Variants in CMC1 observed in about 807,000 individuals in gnomAD.
The protein encoded by CMC1 is C-X9-C motif containing 1.
A neutral mutation model predicts 14.1 loss-of-function variants in CMC1; 14 were observed. The observed-to-expected ratio is 0.99, with a 90% CI of 0.66 to 1.55. CMC1 has a LOEUF of 1.55. CMC1 is among the 40% of genes most tolerant of loss of function. The pLI, the probability that CMC1 is intolerant of heterozygous loss-of-function variation, is 0.00. For synonymous variants in CMC1, 50 were observed against 38.4 expected, an observed-to-expected ratio of 1.30 and a Z score of -1.12; for missense variants, 127 against 123.8, an observed-to-expected ratio of 1.03 and a Z score of -0.12.
At chr3:28,310,425 A>G (rs1197690779) in intron 2 of CMC1, among the ~76,000 whole-genome samples, 1 of 152,248 alleles carries the variant, frequency 6.6e-6, no homozygotes, top group Non-Finnish European at 1.5e-5. Flanking sequence ...ATGAGAAAAT[A>G]CTTAAATATT....
chr3:28,247,653 T>G (rs921074380), intron 1 of CMC1, among the ~76,000 whole-genome samples: 1 of 152,224 alleles, frequency 6.6e-6, no homozygotes, highest in African/African-American at 2.4e-5. Context: ...TATCTGAATC[T>G]GTTAGGAATC....
chr3:28,284,790 C>G (rs545470864), intron 2 of CMC1, among the ~76,000 whole-genome samples: 5 of 151,736 alleles, frequency 3.3e-5, no homozygotes, highest in Non-Finnish European at 7.4e-5. Flanking sequence ...TTACTTCCAT[C>G]TTGGAGGTTA....
Position 28,325,114 on chromosome 3 carries a change from T to C in CMC1, c.*5485T>C, listed in dbSNP as rs1394162506. 6.6e-5 allele frequency: 9 copies of C among 135,902 alleles called. No homozygotes were observed. Among genetic ancestry groups the C allele is most frequent in the Non-Finnish European group, 1.2e-4 (8 of 64,056 alleles). 8.4% of individuals were successfully genotyped at this position (135,902 alleles called of 1,614,324 possible). ...AATGTTAATGCTACTGTGGTCACAA[T>C]GTAGGTAAAGTAAAAAAAAAAAAAA... On this transcript the variant is annotated 3_prime_UTR_variant, in exon 4 of 4. Transcript: ENST00000466830.
At chr3:28,287,995 G>T (rs1017386954) in intron 2 of CMC1, among the ~76,000 whole-genome samples, 11 of 151,666 alleles carry the variant, frequency 7.3e-5, no homozygotes, top group Non-Finnish European at 1.3e-4. Context: ...ATTGAGTCTC[G>T]TAGTGGTACT....
chr3:28,299,161 A>T (rs1247168004), intron 2 of CMC1, among the ~76,000 whole-genome samples: 1 of 152,124 alleles, frequency 6.6e-6, no homozygotes, highest in Non-Finnish European at 1.5e-5. Context: ...ATTCTGCCAC[A>T]TATTGGTGCT....
At chr3:28,292,821 T>C (rs1321130482) in intron 2 of CMC1, 7 of 152,222 alleles carry the variant, frequency 4.6e-5, no homozygotes, top group Non-Finnish European at 7.3e-5. Flanking sequence ...GCAGTTGTGA[T>C]TGCGACACTG....
At chr3:28,246,104 A>T (rs1333825586) in intron 1 of CMC1, among the ~76,000 whole-genome samples, 1 of 151,980 alleles carries the variant, frequency 6.6e-6, no homozygotes, top group Non-Finnish European at 1.5e-5. Context: ...TGCCTGGCCT[A>T]TAAGAAAAAT....
At position 28,258,060 on chromosome 3, in the gene CMC1, T is replaced by TTATATATATATATATATA. The variant is rs56153777; in HGVS notation, c.20-5222_20-5205dup. On this transcript the variant is annotated intron_variant, in intron 1 of 3. Coordinates refer to ENST00000466830, the MANE Select transcript of CMC1 (RefSeq NM_182523.2). ...TCTTGATTAATGATTTTGAGCACCTTTATATATATATATATATATATATAT... is the reference window on the plus strand; with the variant it reads ...TCTTGATTAATGATTTTGAGCACCTTTATATATATATATATATATATATATATATATATATATATATAT... Among the ~76,000 whole-genome samples the TTATATATATATATATATA allele has an allele frequency of 3.3e-3, 450 of 135,278 alleles. 7 individuals carry two copies. The highest frequency in any genetic ancestry group is 0.012 in the African/African-American group (399 of 34,654). The allele number at this position is 135,278 out of a possible 152,430, so 88.7% of individuals were successfully genotyped here. A position where few individuals can be genotyped will look rare whatever the true frequency, so the allele number is the denominator to read the frequency against.
At chr3:28,270,937 T>C (rs1700248447) in intron 2 of CMC1, among the ~76,000 whole-genome samples, 1 of 146,746 alleles carries the variant, frequency 6.8e-6, no homozygotes, top group South Asian at 2.2e-4. Flanking sequence ...TTTTTTTTTT[T>C]TTTTTGAGAT....
chr3:28,275,775 C>T lies in CMC1; in HGVS notation c.109+12395C>T, dbSNP rs6798627. On this transcript the variant is annotated intron_variant, in intron 2 of 3. Transcript: ENST00000466830. ...GCCCTTGCCCCCAGGGTCTCCATCC[C>T]AGGGAGATCAGAGTTCTGTCCATAA... Among the ~76,000 whole-genome samples the T allele has an allele frequency of 9.9e-3, 1,514 of 152,274 alleles. 26 individuals are homozygous for T. The highest frequency in any genetic ancestry group is 0.034 in the African/African-American group (1,423 of 41,564).
intron 1 of CMC1, among the ~76,000 whole-genome samples, chr3:28,255,886 T>A (rs1348526880): frequency 3.3e-5 from 5 of 152,152 alleles, no homozygotes; most frequent in Admixed American, 1.3e-4. Context: ...AAAAGTCATG[T>A]GAACACCTTC....
intron 2 of CMC1, among the ~76,000 whole-genome samples, chr3:28,310,057 G>T (rs1250498721): frequency 6.6e-6 from 1 of 151,734 alleles, no homozygotes; most frequent in Non-Finnish European, 1.5e-5. Context: ...TTCATCTCCA[G>T]ACCTTCTGTG....
At chr3:28,295,538 T>A (rs1309540895) in intron 2 of CMC1, among the ~76,000 whole-genome samples, 1 of 152,056 alleles carries the variant, frequency 6.6e-6, no homozygotes, top group Non-Finnish European at 1.5e-5. Flanking sequence ...ACCTACTAGG[T>A]CCTTCCTCCT....
intron 2 of CMC1, among the ~76,000 whole-genome samples, chr3:28,280,602 T>G (rs1237325369): frequency 3.3e-5 from 5 of 152,192 alleles, no homozygotes; most frequent in Non-Finnish European, 7.3e-5. Flanking sequence ...GGCTACTCTC[T>G]TACTTAGCAG....
intron 1 of CMC1, among the ~76,000 whole-genome samples, chr3:28,252,643 G>T (rs1257735187): frequency 6.6e-6 from 1 of 152,174 alleles, no homozygotes; most frequent in Non-Finnish European, 1.5e-5. Flanking sequence ...TCTAAAGGTT[G>T]TTTCCCTGCT....
intron 3 of CMC1, chr3:28,318,202 C>T (rs1176551370): frequency 6.6e-6 from 1 of 151,704 alleles, no homozygotes; most frequent in Non-Finnish European, 1.5e-5. Flanking sequence ...GTTTTTGCTC[C>T]TTTATTTCTA....
chr3:28,275,693 G>A lies in CMC1; in HGVS notation c.109+12313G>A, dbSNP rs535632859. On this transcript the variant is annotated intron_variant, in intron 2 of 3. Transcript: ENST00000466830. Reference sequence around the variant, plus strand: ...AATCCTACTCGTCTGGACTGCCCCAGTTTCTCAGAGCCAGCAGGGGAAAGA... The same window carrying A: ...AATCCTACTCGTCTGGACTGCCCCAATTTCTCAGAGCCAGCAGGGGAAAGA... Among the ~76,000 whole-genome samples the A allele has an allele frequency of 1.2e-3, 181 of 152,234 alleles. 1 individual carries two copies. Among genetic ancestry groups the A allele is most frequent in the African/African-American group, 4.1e-3 (171 of 41,546 alleles).
chr3:28,288,125 A>G (rs1341788251), intron 2 of CMC1, among the ~76,000 whole-genome samples: 2 of 152,114 alleles, frequency 1.3e-5, no homozygotes. Context: ...GTATTGATAT[A>G]TGAATCTTCT....
At chr3:28,250,748 T>C (rs1288671969) in intron 1 of CMC1, among the ~76,000 whole-genome samples, 5 of 152,154 alleles carry the variant, frequency 3.3e-5, no homozygotes, top group Non-Finnish European at 5.9e-5. Context: ...AAGTTGGAGA[T>C]GGAGATGAGC....
Sources: gnomAD v4.1 joint callset for allele counts (sites outside exome capture counted in the v4.1 genomes callset) on GRCh38, gnomAD v4.1.1 for gene constraint, MANE v1.5 for transcripts, NCBI Gene and HGNC (gene_info 2026-07-23, HGNC 2026-07-21) for gene names.